TRHDE: variants seen among roughly 807,000 people sequenced by gnomAD.
TRHDE encodes thyrotropin releasing hormone degrading enzyme.
TRHDE carries 72 observed loss-of-function variants against 125.7 expected under a neutral mutation model. The observed-to-expected ratio is 0.57, with a 90% CI of 0.47 to 0.70. The LOEUF is 0.70. Among genes scored for constraint, TRHDE ranks in the 30% least tolerant of loss-of-function variants. The pLI is 0.00. For missense variants in TRHDE, 1,110 were observed against 1,327.1 expected, an observed-to-expected ratio of 0.84 and a Z score of 2.54; for synonymous variants, 509 against 509.1, an observed-to-expected ratio of 1.00 and a Z score of 0.00.
intron 1 of TRHDE, among the ~76,000 whole-genome samples, chr12:72,101,358 G>T: frequency 6.6e-6 from 1 of 152,204 alleles, no homozygotes; most frequent in South Asian, 2.1e-4. Flanking sequence ...TGAAAGGAAT[G>T]AAGCAGTAGA....
At chr12:72,515,083 T>A (rs1293531663) in intron 6 of TRHDE, among the ~76,000 whole-genome samples, 5 of 134,410 alleles carry the variant, frequency 3.7e-5, no homozygotes, top group African/African-American at 1.6e-4. Flanking sequence ...TTGTGAATAG[T>A]GCTGCAATAA....
At chr12:72,159,303 C>T (rs900431552) in intron 2 of TRHDE, among the ~76,000 whole-genome samples, 2 of 152,086 alleles carry the variant, frequency 1.3e-5, no homozygotes, top group African/African-American at 2.4e-5. Flanking sequence ...ACTTAGAGTA[C>T]AGTAATAGTA....
intron 1 of TRHDE, among the ~76,000 whole-genome samples, chr12:72,102,004 CT>C (rs996692417): frequency 2.0e-5 from 3 of 152,118 alleles, no homozygotes; most frequent in Admixed American, 2.0e-4. Context: ...TAGATTCTTT[CT>C]TTTTGCCTCT....
chr12:72,574,690 A>T (rs1466133458), intron 10 of TRHDE, among the ~76,000 whole-genome samples: 1 of 152,064 alleles, frequency 6.6e-6, no homozygotes, highest in African/African-American at 2.4e-5. Context: ...TTTGTTTCTA[A>T]TTCTATATGG....
chr12:72,340,197 G>A (rs1251430267), intron 2 of TRHDE, among the ~76,000 whole-genome samples: 1 of 152,154 alleles, frequency 6.6e-6, no homozygotes, highest in African/African-American at 2.4e-5. Flanking sequence ...GAGAAGTCAT[G>A]ATTGATGATC....
chr12:72,104,849 G>A (rs1031825658), intron 1 of TRHDE, among the ~76,000 whole-genome samples: 1 of 152,110 alleles, frequency 6.6e-6, no homozygotes, highest in Non-Finnish European at 1.5e-5. Context: ...CTAGCTTCAG[G>A]GACATTTTGA....
rs151039905 is a variant in TRHDE, at chr12:72,551,840, G to C, written c.1788+9484G>C. Among the ~76,000 whole-genome samples the C allele has an allele frequency of 1.1e-4, 17 of 152,214 alleles. No individual in the cohort carries two copies. In the East Asian group the frequency reaches 2.9e-3, roughly 26 times the overall value. On this transcript the variant is annotated intron_variant, in intron 7 of 18. Coordinates refer to ENST00000261180, the MANE Select transcript of TRHDE (RefSeq NM_013381.3). ...ATGCTGTGAGAAAGCATAGTGAGTG[G>C]GTGGTTGGAGCAACTCTAGATCGGG... is the stretch of plus-strand genomic sequence containing the variant.
chr12:72,339,466 A>G (rs1180166281), intron 2 of TRHDE, among the ~76,000 whole-genome samples: 1 of 152,070 alleles, frequency 6.6e-6, no homozygotes, highest in Non-Finnish European at 1.5e-5. Context: ...AAGACCGTTT[A>G]CGTTTTTTGG....
chr12:72,406,459 T>C (rs1873269882), intron 3 of TRHDE, among the ~76,000 whole-genome samples: 1 of 152,078 alleles, frequency 6.6e-6, no homozygotes, highest in South Asian at 2.1e-4. Flanking sequence ...TTAGAGGAAA[T>C]AGGGTTTATA....
intron 17 of TRHDE, among the ~76,000 whole-genome samples, chr12:72,654,744 A>T (rs1452569111): frequency 6.6e-6 from 1 of 152,102 alleles, no homozygotes; most frequent in Non-Finnish European, 1.5e-5. Flanking sequence ...AGGTTATATC[A>T]ATTTAACATT....
intron 3 of TRHDE, among the ~76,000 whole-genome samples, chr12:72,467,267 T>A (rs1286468154): frequency 1.3e-5 from 2 of 148,856 alleles, no homozygotes; most frequent in East Asian, 4.1e-4. Context: ...TGGTATACGA[T>A]GTTCCCCTTC....
At chr12:72,611,209 A>C (rs549311671) in intron 12 of TRHDE, 36 of 200,740 alleles carry the variant, frequency 1.8e-4, no homozygotes, top group Non-Finnish European at 3.4e-5. Flanking sequence ...CTGCAGGCCA[A>C]AATTCTTCAG....
At chr12:72,579,822 A>G (rs1871153550) in intron 12 of TRHDE, among the ~76,000 whole-genome samples, 1 of 152,138 alleles carries the variant, frequency 6.6e-6, no homozygotes, top group South Asian at 2.1e-4. Flanking sequence ...AATTATTTCA[A>G]TCCTACTTAT....
At chr12:72,293,894 G>A (rs1288883058) in intron 2 of TRHDE, among the ~76,000 whole-genome samples, 2 of 152,218 alleles carry the variant, frequency 1.3e-5, no homozygotes, top group African/African-American at 2.4e-5. Flanking sequence ...GTGGAACGGT[G>A]AGGGGTGTGT....
At chr12:72,606,247 G>A (rs1872439133) in intron 12 of TRHDE, among the ~76,000 whole-genome samples, 1 of 151,714 alleles carries the variant, frequency 6.6e-6, no homozygotes, top group South Asian at 2.1e-4. Context: ...TCGGATTTAT[G>A]ATGGAAATAA....
At chr12:72,374,332 T>TGTGTGA in intron 2 of TRHDE, among the ~76,000 whole-genome samples, 1 of 142,548 alleles carries the variant, frequency 7.0e-6, no homozygotes, top group East Asian at 2.1e-4. Context: ...TGTGTGTGTG[T>TGTGTGA]GATATCAGGA....
At chr12:72,395,098 T>C (rs977313440) in intron 3 of TRHDE, among the ~76,000 whole-genome samples, 9 of 152,324 alleles carry the variant, frequency 5.9e-5, no homozygotes, top group East Asian at 1.9e-4. Context: ...TACAATATGT[T>C]GTTCTTACCT....
At chr12:72,481,120 T>G (rs1191665278) in intron 5 of TRHDE, among the ~76,000 whole-genome samples, 1 of 152,076 alleles carries the variant, frequency 6.6e-6, no homozygotes, top group Non-Finnish European at 1.5e-5. Flanking sequence ...ATTTTCTAAT[T>G]ATTAATCATC....
In TRHDE at chr12:72,226,614, T is replaced by G. The variant is rs1424166205; in HGVS notation, n.279+120862T>G. 4.6e-5 allele frequency among the ~76,000 whole-genome samples: 7 copies of G among 152,330 alleles called. No homozygotes were observed. In the East Asian group the frequency reaches 1.2e-3, roughly 25 times the overall value. ...CAGACTGTAAGCCTCATTGCTGATT[T>G]GTGAATTCCAGAGACCAAATAGTAG... On this transcript the variant is annotated intron_variant and non_coding_transcript_variant, in intron 2 of 4. Coordinates refer to the TRHDE transcript ENST00000548156.
Sources: gnomAD v4.1 joint callset for allele counts (sites outside exome capture counted in the v4.1 genomes callset) on GRCh38, gnomAD v4.1.1 for gene constraint, MANE v1.5 for transcripts, NCBI Gene and HGNC (gene_info 2026-07-23, HGNC 2026-07-21) for gene names.